Variants in RTN4 observed in about 807,000 individuals in gnomAD.
The protein encoded by RTN4 is reticulon-4.
A neutral mutation model predicts 90.4 loss-of-function variants in RTN4; 32 were observed. The ratio of observed to expected loss-of-function variants is 0.35; its 90% CI spans 0.27 to 0.48. The LOEUF (loss-of-function observed/expected upper bound fraction) is 0.48. Among genes scored for constraint, RTN4 ranks in the 20% least tolerant of loss-of-function variants. The pLI, the probability that RTN4 is intolerant of heterozygous loss-of-function variation, is 0.99. For synonymous variants in RTN4, 629 were observed against 552.5 expected, an observed-to-expected ratio of 1.14 and a Z score of -1.94; for missense variants, 1,706 against 1,430.2, an observed-to-expected ratio of 1.19 and a Z score of -3.11.
chr2:55,027,472 C>A lies in RTN4; in HGVS notation c.627G>T (p.Leu209Phe), dbSNP rs774881569. The change falls in exon 3 of 9, where the codon TTG becomes TTT. Residue 209 changes from leucine to phenylalanine, a missense_variant. Transcript: ENST00000337526. The part of the protein sequence containing the change: ...VIRSSAENMD[L>F]KEQPGNTISA... ...AAATAGTGTTACCTGGCTGCTCCTT[C>A]AAGTCCATATTTTCTGTGACCATGG... 1 of 1,604,460 alleles carries A rather than the reference C, an allele frequency of 6.2e-7. No individual in the cohort carries two copies. The highest frequency in any genetic ancestry group is 1.1e-5 in the South Asian group (1 of 89,578).
chr2:54,976,435 T>A (rs1677640285), intron 5 of RTN4, among the ~76,000 whole-genome samples: 1 of 152,134 alleles, frequency 6.6e-6, no homozygotes, highest in Admixed American at 6.5e-5. Context: ...TGTGAGAGGC[T>A]GGGAGAGAAC....
chr2:55,058,183 A>G (rs1196804195), intron 2 of RTN4, among the ~76,000 whole-genome samples: 3 of 152,176 alleles, frequency 2.0e-5, no homozygotes, highest in East Asian at 1.9e-4. Context: ...TTAAATTTAC[A>G]TTATTATTAT....
intron 3 of RTN4, among the ~76,000 whole-genome samples, chr2:55,021,682 T>C (rs10170102): frequency 0.12 from 17,893 of 152,150 alleles, 1,566 homozygotes; most frequent in African/African-American, 0.24. Context: ...AATTATTAAG[T>C]TGCAAGGACT....
chr2:55,112,030 C>T (rs1327460441), intron 1 of RTN4, among the ~76,000 whole-genome samples: 1 of 152,166 alleles, frequency 6.6e-6, no homozygotes, highest in Admixed American at 6.5e-5. Context: ...CAAGAGGAAG[C>T]AACCACCTAG....
Position 55,025,847 on chromosome 2 carries a change from T to A in RTN4, c.2252A>T (p.Asp751Val), listed in dbSNP as rs1681814571. The change falls in exon 3 of 9, where the codon GAT becomes GTT. Residue 751 changes from aspartate (D) to valine (V), a missense_variant. Physicochemically the swap from Asp to Val is radical, Grantham distance 152 (BLOSUM62 -3). Coordinates refer to ENST00000337526, the MANE Select transcript of RTN4 (RefSeq NM_020532.5). Reference protein sequence around the residue: ...DSEPVDLFSDDSIPDVPQKQD... With the variant: ...DSEPVDLFSDVSIPDVPQKQD... ...TTTTTGTGGAACGTCAGGTATTGAA[T>A]CATCACTAAATAAGTCAACTGGTTC... 4 of 1,613,800 alleles carry A rather than the reference T, an allele frequency of 2.5e-6. No individual in the cohort carries two copies. The highest frequency in any genetic ancestry group is 3.4e-6 in the Non-Finnish European group (4 of 1,179,840).
At chr2:55,084,157 A>T (rs1387205067) in intron 1 of RTN4, among the ~76,000 whole-genome samples, 1 of 152,034 alleles carries the variant, frequency 6.6e-6, no homozygotes, top group Non-Finnish European at 1.5e-5. Flanking sequence ...AAAATCCCCA[A>T]ACTACGGGGT....
chr2:54,979,666 T>C (rs1333549708), intron 5 of RTN4, among the ~76,000 whole-genome samples: 1 of 152,222 alleles, frequency 6.6e-6, no homozygotes, highest in Non-Finnish European at 1.5e-5. Context: ...AAGGAAGACC[T>C]TTCATGTACA....
chr2:55,136,348 C>T, the RTN4 span, among the ~76,000 whole-genome samples: 1 of 152,200 alleles, frequency 6.6e-6, no homozygotes, highest in Non-Finnish European at 1.5e-5. Context: ...ATACAGACAG[C>T]CCACCCCAAG....
chr2:55,029,802 C>A (rs1332880089), intron 1 of RTN4, among the ~76,000 whole-genome samples: 1 of 152,028 alleles, frequency 6.6e-6, no homozygotes, highest in Non-Finnish European at 1.5e-5. Context: ...GCTATCCAGT[C>A]AAAGGGGTAA....
chr2:54,996,888 G>T (rs1679470932), intron 3 of RTN4, among the ~76,000 whole-genome samples: 1 of 152,082 alleles, frequency 6.6e-6, no homozygotes, highest in Non-Finnish European at 1.5e-5. Context: ...CCAAAGTGCT[G>T]GGATTGTAAG....
chr2:55,127,803 CTCTT>C, the RTN4 span, among the ~76,000 whole-genome samples: 1 of 152,208 alleles, frequency 6.6e-6, no homozygotes, highest in Non-Finnish European at 1.5e-5. Flanking sequence ...CCCAGAATCA[CTCTT>C]TCTACACCCT....
At chr2:55,127,324 T>C in the RTN4 span, among the ~76,000 whole-genome samples, 1 of 152,182 alleles carries the variant, frequency 6.6e-6, no homozygotes, top group Admixed American at 6.5e-5. Context: ...TGATTTCGTT[T>C]CATTTCACGC....
chr2:55,015,477 A>G lies in RTN4; in HGVS notation c.3013+9609T>C, dbSNP rs544299910. The stretch of plus-strand genomic sequence containing the variant: ...TAGAAAACTGAGGGAAAACTATAAC[A>G]CAAGAGTTTACATCCTTTATATGTA... On this transcript the variant is annotated intron_variant, in intron 3 of 8. Coordinates refer to ENST00000337526, the MANE Select transcript of RTN4 (RefSeq NM_020532.5). 2.0e-5 allele frequency among the ~76,000 whole-genome samples: 3 copies of G among 152,328 alleles called. No individual in the cohort carries two copies. In the South Asian group the frequency reaches 6.2e-4, roughly 32 times the overall value.
intron 1 of RTN4, among the ~76,000 whole-genome samples, 176 bp from the exon 2 acceptor site, chr2:55,028,396 C>A (rs969725063): frequency 6.6e-6 from 1 of 152,138 alleles, no homozygotes; most frequent in Non-Finnish European, 1.5e-5. Flanking sequence ...CAGGTTAAAT[C>A]ATCATATGTA....
At chr2:55,060,570 CA>C (rs1322368628) in intron 2 of RTN4, 2 of 152,208 alleles carry the variant, frequency 1.3e-5, no homozygotes, top group Non-Finnish European at 2.9e-5. Flanking sequence ...GTTATGGAAG[CA>C]AAATAGGCAC....
intron 8 of RTN4, 93 bp downstream of exon 8, chr2:54,973,470 T>G: frequency 1.0e-6 from 1 of 993,410 alleles, no homozygotes; most frequent in Non-Finnish European, 1.6e-6. Flanking sequence ...TGATAGAGAT[T>G]TGTTACTCAT....
the RTN4 span, among the ~76,000 whole-genome samples, chr2:55,126,416 T>C: frequency 6.7e-6 from 1 of 149,384 alleles, no homozygotes; most frequent in Admixed American, 6.7e-5. Context: ...AACAAGCATA[T>C]GGAAAAGAAA....
intron 1 of RTN4, among the ~76,000 whole-genome samples, chr2:55,089,191 C>G (rs1668894837): frequency 6.6e-6 from 1 of 152,108 alleles, no homozygotes; most frequent in Non-Finnish European, 1.5e-5. Flanking sequence ...AGCCACCGCG[C>G]CGGGCCAGAG....
chr2:55,002,917 T>C (rs1679949101), intron 3 of RTN4, among the ~76,000 whole-genome samples: 1 of 152,184 alleles, frequency 6.6e-6, no homozygotes, highest in Admixed American at 6.6e-5. Flanking sequence ...AAACCTAAAA[T>C]TAGAAAATAA....
Sources: gnomAD v4.1 joint callset for allele counts (sites outside exome capture counted in the v4.1 genomes callset) on GRCh38, gnomAD v4.1.1 for gene constraint, MANE v1.5 for transcripts, NCBI Gene and HGNC (gene_info 2026-07-23, HGNC 2026-07-21) for gene names.